The following WDR17 variants were observed in gnomAD, a reference collection of about 807,000 sequenced individuals.
WDR17 encodes WD repeat domain 17.
A neutral mutation model predicts 161.7 loss-of-function variants in WDR17; 143 were observed. That is an observed-to-expected ratio of 0.88 (90% CI 0.77 to 1.02). The LOEUF is 1.02. Among genes scored for constraint, WDR17 ranks in the 50% least tolerant of loss-of-function variants. The probability of loss-of-function intolerance (pLI) is 0.00; values close to 1 mark genes in which losing one functional copy is unlikely to be tolerated. For synonymous variants in WDR17, 517 were observed against 515.6 expected (o/e 1.00, Z -0.04); for missense variants, 1,469 against 1,520.9 (o/e 0.97, Z 0.57).
intron 6 of WDR17, among the ~76,000 whole-genome samples, chr4:176,130,532 C>T (rs1743201847): frequency 6.6e-6 from 1 of 152,100 alleles, no homozygotes; most frequent in Admixed American, 6.6e-5. Context: ...ATCACAAGGT[C>T]AGGAGATCGA....
At chr4:176,117,456 A>G (rs1208562279) in intron 3 of WDR17, among the ~76,000 whole-genome samples, 1 of 152,070 alleles carries the variant, frequency 6.6e-6, no homozygotes, top group Non-Finnish European at 1.5e-5. Flanking sequence ...TCTCGTAAAG[A>G]TGTAACACAA....
chr4:176,127,366 C>T (rs918753953), intron 5 of WDR17, among the ~76,000 whole-genome samples: 2 of 151,180 alleles, frequency 1.3e-5, no homozygotes, highest in African/African-American at 4.9e-5. Context: ...AATCTTGGCT[C>T]ACTGCAACCT....
Position 176,150,178 on chromosome 4 carries a change from G to C in WDR17, c.2178+5G>C. 1 of 1,609,120 alleles carries C rather than the reference G, an allele frequency of 6.2e-7. No homozygotes were observed. The highest frequency in any genetic ancestry group is 8.5e-7 in the Non-Finnish European group (1 of 1,178,826). Reference sequence around the variant, plus strand: ...TGGTTCTCAGAATGTTTATCTGTAAGTATTACAGGAATTAAATGCGAATAT... The same window carrying C: ...TGGTTCTCAGAATGTTTATCTGTAACTATTACAGGAATTAAATGCGAATAT... On this transcript the variant is annotated splice_donor_5th_base_variant and intron_variant, in intron 15 of 28. Transcript: ENST00000508596.
rs1206286503 is a variant in WDR17, at chr4:176,181,757, A to G, written c.*2178A>G. Reference sequence around the variant, plus strand: ...CATACTTAAAAGGATATCATTAAGTATATAAACAATCATTACTTCTGTATT... The same window carrying G: ...CATACTTAAAAGGATATCATTAAGTGTATAAACAATCATTACTTCTGTATT... On this transcript the variant is annotated 3_prime_UTR_variant, in exon 29 of 29. Coordinates refer to ENST00000508596, the MANE Select transcript of WDR17 (RefSeq NM_181265.4). 3 of 152,506 alleles carry G rather than the reference A, an allele frequency of 2.0e-5. No homozygotes were observed. The highest frequency in any genetic ancestry group is 4.4e-5 in the Non-Finnish European group (3 of 67,950). 9.4% of individuals were successfully genotyped at this position (152,506 alleles called of 1,614,324 possible).
chr4:176,170,678 G>A (rs4475089), intron 23 of WDR17, among the ~76,000 whole-genome samples: 78,591 of 152,078 alleles, frequency 0.52, 20,865 homozygotes, highest in Admixed American at 0.63. Context: ...AGCTAAGACC[G>A]CTTTTAATGA....
At chr4:176,159,544 GT>G (rs1748712289) in intron 18 of WDR17, among the ~76,000 whole-genome samples, 1 of 152,008 alleles carries the variant, frequency 6.6e-6, no homozygotes. Flanking sequence ...CTCCATCTTA[GT>G]GATTTTTAAG....
Position 176,152,294 on chromosome 4 carries a change from C to CAAAAAAAA in WDR17, c.2460+340_2460+347dup, listed in dbSNP as rs397837505. 7.1e-4 allele frequency among the ~76,000 whole-genome samples: 51 copies of CAAAAAAAA among 72,122 alleles called. 1 individual carries two copies. Among genetic ancestry groups the CAAAAAAAA allele is most frequent in the African/African-American group, 2.0e-3 (38 of 18,604 alleles). The allele number at this position is 72,122 out of a possible 152,430, so 47.3% of individuals were successfully genotyped here. ...TGGGCTACAGAAAGAGACCCTATCT[C>CAAAAAAAA]AAAAAAAAAAAAAAAAAAAAGCCTG... is the stretch of plus-strand genomic sequence containing the variant. On this transcript the variant is annotated intron_variant, in intron 17 of 28. Transcript: ENST00000508596.
chr4:176,083,119 G>A (rs1734967097), intron 1 of WDR17, among the ~76,000 whole-genome samples: 1 of 151,976 alleles, frequency 6.6e-6, no homozygotes, highest in African/African-American at 2.4e-5. Flanking sequence ...TTATTCATGA[G>A]GCACTGTGGC....
intron 1 of WDR17, among the ~76,000 whole-genome samples, chr4:176,108,561 A>T (rs888487526): frequency 6.6e-6 from 1 of 152,074 alleles, no homozygotes; most frequent in Non-Finnish European, 1.5e-5. Flanking sequence ...CTCTAATGTA[A>T]ACTGTGGACT....
At position 176,151,822 on chromosome 4, in the gene WDR17, A is replaced by AAGAACTAACAAC; in HGVS notation, c.2318_2329dup (p.Glu773_Thr776dup). 1 of 1,577,970 alleles carries AAGAACTAACAAC rather than the reference A, an allele frequency of 6.3e-7. No individual in the cohort carries two copies. Among genetic ancestry groups the AAGAACTAACAAC allele is most frequent in the Non-Finnish European group, 8.6e-7 (1 of 1,167,610 alleles). Reference sequence around the variant, plus strand: ...TCTTTTTAAAACCAGTCTGAAGCTCAAGAACTAACAACAGTCAAGATGTCT... The same window carrying AAGAACTAACAAC: ...TCTTTTTAAAACCAGTCTGAAGCTCAAGAACTAACAACAGAACTAACAACAGTCAAGATGTCT... On this transcript the variant is annotated inframe_insertion, in exon 17 of 29. Coordinates refer to ENST00000508596, the MANE Select transcript of WDR17 (RefSeq NM_181265.4).
At position 176,080,697 on chromosome 4, in the gene WDR17, A is replaced by T. The variant is rs552305934; in HGVS notation, c.-7+14618A>T. On this transcript the variant is annotated intron_variant, in intron 1 of 28. Transcript: ENST00000508596. ...GGATGAATACTTCAGTCTTAATTTT[A>T]CTTGGCCTGTCTGAAATATTTAACC... is the stretch of plus-strand genomic sequence containing the variant. 5.8e-4 allele frequency among the ~76,000 whole-genome samples: 89 copies of T among 152,174 alleles called. 2 individuals carry two copies. In the Middle Eastern group the frequency reaches 0.017, roughly 29 times the overall value.
intron 1 of WDR17, among the ~76,000 whole-genome samples, chr4:176,080,200 T>G (rs1734560929): frequency 1.3e-5 from 2 of 151,062 alleles, no homozygotes; most frequent in Non-Finnish European, 3.0e-5. Context: ...ACATCATAAG[T>G]TTTTTTTTAA....
chr4:176,077,743 A>G (rs1186941523), intron 1 of WDR17, among the ~76,000 whole-genome samples: 3 of 151,758 alleles, frequency 2.0e-5, no homozygotes, highest in Non-Finnish European at 4.4e-5. Flanking sequence ...TGTTAAATTG[A>G]TGTCATTGTG....
chr4:176,090,113 T>G (rs1405570394), intron 1 of WDR17, among the ~76,000 whole-genome samples: 1 of 152,076 alleles, frequency 6.6e-6, no homozygotes, highest in Non-Finnish European at 1.5e-5. Flanking sequence ...AAATCCATGT[T>G]GAGATTTGAT....
chr4:176,086,976 T>C (rs1172092348), intron 1 of WDR17, among the ~76,000 whole-genome samples: 2 of 151,938 alleles, frequency 1.3e-5, no homozygotes, highest in African/African-American at 4.8e-5. Flanking sequence ...ATGATTACTT[T>C]TACCTCTTCT....
Position 176,177,467 on chromosome 4 carries a change from A to G in WDR17, c.3549-4A>G, listed in dbSNP as rs1751607045. 3.3e-6 allele frequency: 5 copies of G among 1,534,324 alleles called. No homozygotes were observed. The South Asian group carries it at 5.2e-5, about 16-fold the overall frequency. ...TGAAATTTTGATATCTGTTGAAAAT[A>G]TAGATCATTAGAAGACTCTCCGTAT... On this transcript the variant is annotated splice_polypyrimidine_tract_variant and splice_region_variant and intron_variant, in intron 27 of 28. Coordinates refer to ENST00000508596, the MANE Select transcript of WDR17 (RefSeq NM_181265.4).
chr4:176,140,995 C>T (rs563675826), intron 10 of WDR17, among the ~76,000 whole-genome samples: 3 of 152,298 alleles, frequency 2.0e-5, no homozygotes, highest in African/African-American at 7.2e-5. Context: ...CATCAATCCC[C>T]AGTAACCTCA....
chr4:176,128,097 AT>A (rs1742749350), intron 5 of WDR17, among the ~76,000 whole-genome samples: 1 of 152,164 alleles, frequency 6.6e-6, no homozygotes, highest in African/African-American at 2.4e-5. Flanking sequence ...GCTGATATAG[AT>A]AATGCTGCTA....
At chr4:176,096,345 A>C (rs1736851683) in intron 1 of WDR17, 4 of 423,100 alleles carry the variant, frequency 9.5e-6, no homozygotes, top group South Asian at 1.5e-4. Flanking sequence ...ACTTGTAAAA[A>C]ATTAAAATTG....
Sources: allele counts gnomAD v4.1 joint callset (sites outside exome capture counted in the v4.1 genomes callset), GRCh38; gene constraint gnomAD v4.1.1; transcripts MANE v1.5; gene names NCBI Gene and HGNC (gene_info 2026-07-23, HGNC 2026-07-21).